The following CHRM2 variants were observed in gnomAD, a reference collection of about 807,000 sequenced individuals.
The protein encoded by CHRM2 is muscarinic acetylcholine receptor M2.
In CHRM2, 8 loss-of-function variants were observed where a neutral mutation model predicts 25.0. That is an observed-to-expected ratio of 0.32 (90% CI 0.19 to 0.58). CHRM2 has a LOEUF of 0.58. Ranked by LOEUF, CHRM2 falls within the 20% of genes least tolerant of loss-of-function variation. The probability of loss-of-function intolerance (pLI) is 0.88; values close to 1 mark genes in which losing one functional copy is unlikely to be tolerated. For missense variants in CHRM2, 440 were observed against 567.1 expected, an observed-to-expected ratio of 0.78 and a Z score of 2.28; for synonymous variants, 202 against 205.7, an observed-to-expected ratio of 0.98 and a Z score of 0.15.
At chr7:136,947,525 A>G (rs1046281578) in intron 2 of CHRM2, among the ~76,000 whole-genome samples, 1 of 152,170 alleles carries the variant, frequency 6.6e-6, no homozygotes, top group East Asian at 1.9e-4. Flanking sequence ...CTTTCCTTGG[A>G]AAGCTTATTA....
chr7:136,935,772 G>T (rs189144735), intron 2 of CHRM2, among the ~76,000 whole-genome samples: 1 of 152,256 alleles, frequency 6.6e-6, no homozygotes, highest in East Asian at 1.9e-4. Flanking sequence ...CCCATCCTCT[G>T]AGAATATGAG....
chr7:136,983,319 G>C (rs921584483), intron 2 of CHRM2, among the ~76,000 whole-genome samples: 1 of 152,040 alleles, frequency 6.6e-6, no homozygotes, highest in African/African-American at 2.4e-5. Context: ...TCTTTAAACT[G>C]GTTATTCCAG....
chr7:136,943,567 C>T (rs1799893711), intron 2 of CHRM2, among the ~76,000 whole-genome samples: 1 of 152,028 alleles, frequency 6.6e-6, no homozygotes, highest in Non-Finnish European at 1.5e-5. Flanking sequence ...GTAACGGTCG[C>T]CAAGCTAATA....
At chr7:136,995,756 A>G (rs1419597512) in intron 3 of CHRM2, among the ~76,000 whole-genome samples, 1 of 152,112 alleles carries the variant, frequency 6.6e-6, no homozygotes, top group Admixed American at 6.6e-5. Context: ...ACAGAGCAAG[A>G]ACCTGTCTCT....
At chr7:136,982,434 C>T (rs1055517638) in intron 2 of CHRM2, among the ~76,000 whole-genome samples, 1 of 152,090 alleles carries the variant, frequency 6.6e-6, no homozygotes, top group Non-Finnish European at 1.5e-5. Context: ...GGGCATTTAT[C>T]CCATTTACAT....
At position 136,868,742 on chromosome 7, in the gene CHRM2, GC is replaced by G. The variant is rs1795693920; in HGVS notation, c.-532del. ...GGGCGCAAAGACCTAGGGAGCGCGC[GC>G]GGGCACACACACACACACACACACA... is the stretch of plus-strand genomic sequence containing the variant. On this transcript the variant is annotated 5_prime_UTR_variant, in exon 1 of 4. Transcript: ENST00000680005. The G allele has an allele frequency of 7.3e-6, 1 of 136,170 alleles. No homozygotes were observed. Among genetic ancestry groups the G allele is most frequent in the Admixed American group, 7.8e-5 (1 of 12,876 alleles). The allele number at this position is 136,170 out of a possible 1,614,324, so 8.4% of individuals were successfully genotyped here.
chr7:136,920,682 G>T (rs1216974506), intron 2 of CHRM2, among the ~76,000 whole-genome samples: 1 of 152,080 alleles, frequency 6.6e-6, no homozygotes, highest in African/African-American at 2.4e-5. Flanking sequence ...AGCAATTATA[G>T]CCACCTTAAG....
chr7:136,985,812 T>C (rs1802819024), intron 2 of CHRM2, among the ~76,000 whole-genome samples: 1 of 152,182 alleles, frequency 6.6e-6, no homozygotes, highest in South Asian at 2.1e-4. Flanking sequence ...GTTCACTCAC[T>C]GGCAAGACCT....
At chr7:136,982,865 C>T (rs1396751344) in intron 2 of CHRM2, among the ~76,000 whole-genome samples, 1 of 152,118 alleles carries the variant, frequency 6.6e-6, no homozygotes, top group African/African-American at 2.4e-5. Flanking sequence ...CTCTCTGCTG[C>T]CCTTAACATT....
At position 136,903,796 on chromosome 7, in the gene CHRM2, A is replaced by G. The variant is rs569406909; in HGVS notation, c.-125+34378A>G. ...ATTCTTGTGATGTTTTAATAACTCT[A>G]CTAGTGTTTTAACAGTAATATGGCC... On this transcript the variant is annotated intron_variant, in intron 2 of 3. Transcript: ENST00000680005. Among the ~76,000 whole-genome samples, 135 of 152,046 alleles carry G rather than the reference A, an allele frequency of 8.9e-4. 1 individual carries two copies. Among genetic ancestry groups the G allele is most frequent in the Middle Eastern group, 3.4e-3 (1 of 294 alleles).
At chr7:136,925,753 T>C (rs1584766896) in intron 2 of CHRM2, among the ~76,000 whole-genome samples, 1 of 152,196 alleles carries the variant, frequency 6.6e-6, no homozygotes, top group East Asian at 1.9e-4. Flanking sequence ...CTCCTTATCT[T>C]TGTCTCACTG....
intron 2 of CHRM2, among the ~76,000 whole-genome samples, chr7:136,988,396 G>A (rs944741790): frequency 1.3e-5 from 2 of 152,120 alleles, no homozygotes; most frequent in Non-Finnish European, 2.9e-5. Flanking sequence ...ACTAATTTGT[G>A]TACTAATAGG....
intron 2 of CHRM2, among the ~76,000 whole-genome samples, chr7:136,947,256 G>C (rs1424543): frequency 0.25 from 37,282 of 151,804 alleles, 5,685 homozygotes; most frequent in Non-Finnish European, 0.35. Flanking sequence ...AGCAGAGAAA[G>C]GAAAAACATT....
At chr7:136,998,611 T>C (rs1415172313) in intron 3 of CHRM2, among the ~76,000 whole-genome samples, 7 of 152,080 alleles carry the variant, frequency 4.6e-5, no homozygotes, top group Admixed American at 2.6e-4. Context: ...AGAAATGAAA[T>C]AGCATCTCTG....
At chr7:136,931,533 T>C (rs979675231) in intron 2 of CHRM2, among the ~76,000 whole-genome samples, 1 of 152,202 alleles carries the variant, frequency 6.6e-6, no homozygotes, top group East Asian at 1.9e-4. Flanking sequence ...TGGTGACAGT[T>C]GACTGCAGAT....
chr7:136,871,683 G>A (rs1453973090), intron 2 of CHRM2: 1 of 152,242 alleles, frequency 6.6e-6, no homozygotes, highest in Non-Finnish European at 1.5e-5. Flanking sequence ...TGCCATTGTT[G>A]GGGAGCTAAT....
intron 3 of CHRM2, among the ~76,000 whole-genome samples, chr7:136,994,508 C>CTT (rs1803445535): frequency 8.8e-6 from 1 of 113,694 alleles, no homozygotes; most frequent in African/African-American, 3.4e-5. Flanking sequence ...GCTTTCTGCT[C>CTT]TTTTTTTCTT....
intron 2 of CHRM2, among the ~76,000 whole-genome samples, chr7:136,985,251 C>A (rs1031407605): frequency 2.0e-5 from 3 of 152,118 alleles, no homozygotes; most frequent in Non-Finnish European, 4.4e-5. Context: ...TTGGCTCACG[C>A]CTGTAATCCC....
chr7:137,016,049 C>T lies in CHRM2; in HGVS notation c.1184C>T (p.Ala395Val). 2 of 1,612,736 alleles carry T rather than the reference C, an allele frequency of 1.2e-6. No homozygotes were observed. The highest frequency in any genetic ancestry group is 2.2e-5 in the South Asian group (2 of 91,018). The change falls in exon 4 of 4, where the codon GCT becomes GTT. Residue 395 changes from alanine to valine, a missense_variant. By Grantham distance (64) the Ala-to-Val change is moderately conservative. Transcript: ENST00000680005. ...VTRTILAILL[A>V]FIITWAPYNV... ...AGGACAATCTTGGCTATTCTGTTGG[C>T]TTTCATCATCACTTGGGCCCCATAC...
Sources: allele counts gnomAD v4.1 joint callset (sites outside exome capture counted in the v4.1 genomes callset), GRCh38; gene constraint gnomAD v4.1.1; transcripts MANE v1.5; gene names NCBI Gene and HGNC (gene_info 2026-07-23, HGNC 2026-07-21).